The following FANK1 variants were observed in gnomAD, a reference collection of about 807,000 sequenced individuals.
FANK1 encodes the protein fibronectin type III and ankyrin repeat domains 1.
A neutral mutation model predicts 45.3 loss-of-function variants in FANK1; 44 were observed. The ratio of observed to expected loss-of-function variants is 0.97; its 90% CI spans 0.76 to 1.25. The LOEUF is 1.25. Among genes scored for constraint, FANK1 ranks in the 50% most tolerant of loss-of-function variants. The pLI is 0.00. For missense variants in FANK1, 391 were observed against 424.4 expected, an observed-to-expected ratio of 0.92 and a Z score of 0.69; for synonymous variants, 149 against 152.5, an observed-to-expected ratio of 0.98 and a Z score of 0.17.
Position 125,996,534 on chromosome 10 carries a change from C to G in FANK1, c.399-16C>G. The G allele has an allele frequency of 1.2e-6, 2 of 1,613,818 alleles. No individual in the cohort carries two copies. Among genetic ancestry groups the G allele is most frequent in the Non-Finnish European group, 1.7e-6 (2 of 1,179,842 alleles). On this transcript the variant is annotated splice_polypyrimidine_tract_variant and intron_variant, in intron 4 of 10. Transcript: ENST00000368693. ...TGTACTGAGCATGTTTATCTCTTTT[C>G]TCTGCTTTTCCCAAGCCGTGTTAAG... is the stretch of plus-strand genomic sequence containing the variant.
At chr10:125,915,607 G>A (rs7893287) in intron 1 of FANK1, among the ~76,000 whole-genome samples, 2,834 of 152,290 alleles carry the variant, frequency 0.019, 97 homozygotes, top group African/African-American at 0.064. Flanking sequence ...TTGACCCCAG[G>A]AGTTCAAGAC....
In FANK1 at chr10:126,009,464, G is replaced by T. The variant is rs752058228; in HGVS notation, c.*26G>T. The T allele has an allele frequency of 1.2e-6, 2 of 1,611,054 alleles. No individual in the cohort carries two copies. Among genetic ancestry groups the T allele is most frequent in the Non-Finnish European group, 1.7e-6 (2 of 1,179,068 alleles). ...TGAGAGCACCACTCATCTGCGAAAC[G>T]CACGTAAAACAAAGTGAACCGTGAC... On this transcript the variant is annotated 3_prime_UTR_variant, in exon 11 of 11. Transcript: ENST00000368693.
intron 1 of FANK1, among the ~76,000 whole-genome samples, chr10:125,937,147 G>C (rs1329749378): frequency 6.6e-6 from 1 of 152,170 alleles, no homozygotes; most frequent in African/African-American, 2.4e-5. Context: ...TATTTCTGTT[G>C]AGTGTATCGC....
At chr10:125,923,418 G>GCCA (rs1390769013) in intron 1 of FANK1, among the ~76,000 whole-genome samples, 1 of 151,738 alleles carries the variant, frequency 6.6e-6, no homozygotes, top group East Asian at 1.9e-4. Flanking sequence ...CTGTGATTGT[G>GCCA]CCACTGCACT....
intron 1 of FANK1, chr10:125,973,306 C>T: frequency 3.1e-6 from 1 of 325,976 alleles, no homozygotes; most frequent in Non-Finnish European, 4.4e-6. Context: ...AATTGAAATA[C>T]TTGTTGGCTT....
intron 1 of FANK1, among the ~76,000 whole-genome samples, chr10:125,918,585 A>AAATATATATATATATATATATAT (rs1554913277): frequency 1.4e-5 from 1 of 70,976 alleles, no homozygotes; most frequent in African/African-American, 7.9e-5. Flanking sequence ...AAAAAAAAAA[A>AAATATATATATATATATATATAT]ATATATATAT....
intron 1 of FANK1, chr10:125,960,361 G>T: frequency 4.8e-6 from 1 of 206,886 alleles, no homozygotes. Flanking sequence ...AGCTTGAGCT[G>T]CTCCACCAGG....
chr10:125,914,657 C>T (rs1946304931), intron 1 of FANK1, among the ~76,000 whole-genome samples: 1 of 152,152 alleles, frequency 6.6e-6, no homozygotes, highest in African/African-American at 2.4e-5. Context: ...CCACCAAGGA[C>T]ACTTTTAATA....
At chr10:125,906,083 TCTAAAGGCTATGGTTCA>T (rs1945484575) in intron 1 of FANK1, among the ~76,000 whole-genome samples, 1 of 152,312 alleles carries the variant, frequency 6.6e-6, no homozygotes, top group African/African-American at 2.4e-5. Flanking sequence ...CTTGCTCCTT[TCTAAAGGCTATGGTTCA>T]CGTTCAACAG....
intron 1 of FANK1, among the ~76,000 whole-genome samples, chr10:125,959,828 A>G (rs754003055): frequency 1.5e-4 from 23 of 152,240 alleles, no homozygotes; most frequent in Non-Finnish European, 2.5e-4. Context: ...CTAAATGTAA[A>G]CATCCAGTAA....
intron 1 of FANK1, among the ~76,000 whole-genome samples, chr10:125,946,717 A>G (rs935223672): frequency 3.5e-5 from 5 of 143,884 alleles, no homozygotes; most frequent in African/African-American, 1.3e-4. Flanking sequence ...TCCCAAATCT[A>G]GCAAGGCAGG....
At position 125,909,686 on chromosome 10, in the gene FANK1, C is replaced by CTT. The variant is rs34854157; in HGVS notation, c.13+13052_13+13053dup. On this transcript the variant is annotated intron_variant, in intron 1 of 10. Transcript: ENST00000368693. Reference sequence around the variant, plus strand: ...GGTGTGCGTCACCATGACCAATTAACTTTTTTTTTTTTTTTTTTTTTTGCT... The same window carrying CTT: ...GGTGTGCGTCACCATGACCAATTAACTTTTTTTTTTTTTTTTTTTTTTTTGCT... Among the ~76,000 whole-genome samples, 158 of 103,248 alleles carry CTT rather than the reference C, an allele frequency of 1.5e-3. 1 individual carries two copies. Among genetic ancestry groups the CTT allele is most frequent in the East Asian group, 6.8e-3 (23 of 3,396 alleles). The allele number at this position is 103,248 out of a possible 152,430, so 67.7% of individuals were successfully genotyped here.
At chr10:125,977,542 C>T (rs1950931039) in intron 1 of FANK1, among the ~76,000 whole-genome samples, 1 of 152,064 alleles carries the variant, frequency 6.6e-6, no homozygotes, top group Non-Finnish European at 1.5e-5. Context: ...CTCTCCTTGG[C>T]ACTCCTGGGA....
In FANK1 at chr10:125,988,410, C is replaced by T. The variant is rs1018124130; in HGVS notation, c.192-141C>T. ...ATGTGGGACTTGTCCTTCATTCTCT[C>T]GGAGTTCAGCAAAGCAGGATCCATC... On this transcript the variant is annotated intron_variant, in intron 2 of 10. Transcript: ENST00000368693. 11 of 1,167,980 alleles carry T rather than the reference C, an allele frequency of 9.4e-6. 1 individual carries two copies. Among genetic ancestry groups the T allele is most frequent in the South Asian group, 5.9e-5 (4 of 67,544 alleles). 72.4% of individuals were successfully genotyped at this position (1,167,980 alleles called of 1,614,324 possible). A position where few individuals can be genotyped will look rare whatever the true frequency, so the allele number is the denominator to read the frequency against.
chr10:125,932,674 G>A (rs1445849146), intron 1 of FANK1, among the ~76,000 whole-genome samples: 1 of 152,162 alleles, frequency 6.6e-6, no homozygotes, highest in Non-Finnish European at 1.5e-5. Context: ...ATAACAGTTT[G>A]ACTTCCTCTT....
intron 1 of FANK1, among the ~76,000 whole-genome samples, chr10:125,931,289 C>A (rs916963639): frequency 1.3e-5 from 2 of 152,178 alleles, no homozygotes; most frequent in East Asian, 3.8e-4. Context: ...AAGGAATCTC[C>A]ACACTGTTTT....
chr10:126,000,934 A>T (rs932831563), intron 6 of FANK1, among the ~76,000 whole-genome samples: 3 of 151,520 alleles, frequency 2.0e-5, no homozygotes, highest in Admixed American at 2.0e-4. Context: ...GTTTAGCATT[A>T]CTAGTAATAA....
chr10:125,925,383 C>G (rs988500157), intron 1 of FANK1, among the ~76,000 whole-genome samples: 4 of 152,160 alleles, frequency 2.6e-5, no homozygotes, highest in African/African-American at 9.7e-5. Context: ...TTTGGTTAGA[C>G]TTTGCACTGT....
At chr10:126,003,108 ATTT>A (rs5788756) in intron 6 of FANK1, among the ~76,000 whole-genome samples, 1 of 144,856 alleles carries the variant, frequency 6.9e-6, no homozygotes, top group Non-Finnish European at 1.5e-5. Context: ...CTCTCTTTAA[ATTT>A]TTTTTTTTTT....
Sources: allele counts gnomAD v4.1 joint callset (sites outside exome capture counted in the v4.1 genomes callset), GRCh38; gene constraint gnomAD v4.1.1; transcripts MANE v1.5; gene names NCBI Gene and HGNC (gene_info 2026-07-23, HGNC 2026-07-21).